GPR61: variants seen among roughly 807,000 people sequenced by gnomAD.
GPR61 encodes G-protein coupled receptor 61.
GPR61 carries 15 observed loss-of-function variants against 29.2 expected under a neutral mutation model. The ratio of observed to expected loss-of-function variants is 0.51; its 90% CI spans 0.34 to 0.79. The LOEUF (loss-of-function observed/expected upper bound fraction) is 0.79, where lower values mean the gene tolerates loss of function less well. GPR61 is among the 30% of genes least tolerant of loss of function. GPR61 has a pLI of 0.01. For synonymous variants in GPR61, 238 were observed against 242.3 expected (o/e 0.98, Z 0.17); for missense variants, 399 against 582.5 (o/e 0.69, Z 3.24).
Position 109,544,259 on chromosome 1 carries a change from C to G in GPR61, c.1237C>G (p.Arg413Gly), listed in dbSNP as rs763591501. The G allele has an allele frequency of 1.2e-6, 2 of 1,613,892 alleles. No homozygotes were observed. Among genetic ancestry groups the G allele is most frequent in the African/African-American group, 2.7e-5 (2 of 74,930 alleles). Residue 413 changes from arginine to glycine, a missense_variant, in exon 2 of 2, where the codon CGA becomes GGA. Physicochemically the swap from Arg to Gly is moderately radical, Grantham distance 125. This residue lies in a region of GPR61 where 320 missense variants were observed against 459.8 expected (regional missense o/e 0.70). Coordinates refer to ENST00000527748, the MANE Select transcript of GPR61 (RefSeq NM_001393907.1). This position sits in a 1 kb window ranked among gnomAD's most constrained non-coding sequence, Gnocchi z 4.6. Reference sequence around the variant, plus strand: ...GCAGGAGCCACCTGCTGTTGACTTTCGAATCCCAGGCCAGATAGCTGAGGA... The same window carrying G: ...GCAGGAGCCACCTGCTGTTGACTTTGGAATCCCAGGCCAGATAGCTGAGGA... Reference protein sequence around the residue: ...PKQEPPAVDFRIPGQIAEETS... With the variant: ...PKQEPPAVDFGIPGQIAEETS...
Position 109,543,807 on chromosome 1 carries a change from G to A in GPR61, c.785G>A (p.Arg262His), listed in dbSNP as rs750737044. The change falls in exon 2 of 2, where the codon CGC (arginine) becomes CAC (histidine). Residue 262 changes from arginine (R) to histidine (H), a missense_variant. By Grantham distance (29) the Arg-to-His change is conservative. This residue lies in a region of GPR61 where 320 missense variants were observed against 459.8 expected (regional missense o/e 0.70). Coordinates refer to ENST00000527748, the MANE Select transcript of GPR61 (RefSeq NM_001393907.1). This position sits in a 1 kb window ranked among gnomAD's most constrained non-coding sequence, Gnocchi z 6.8. ...CAACGCTCCGAATCTCTCAGCAGCC[G>A]CTCCACGATGGTCACCAGCTCGGGG... is the stretch of plus-strand genomic sequence containing the variant. ...PRQRSESLSSRSTMVTSSGAP... is the reference protein window; with the variant it reads ...PRQRSESLSSHSTMVTSSGAP... 4.8e-5 allele frequency: 77 copies of A among 1,613,422 alleles called. No homozygotes were observed. The highest frequency in any genetic ancestry group is 5.2e-5 in the Non-Finnish European group (61 of 1,180,020).
chr1:109,544,187 G>A lies in GPR61; in HGVS notation c.1165G>A (p.Gly389Ser). The change falls in exon 2 of 2, where the codon GGC (glycine) becomes AGC (serine). Residue 389 changes from glycine to serine, a missense_variant. Gly to Ser is a moderately conservative substitution (Grantham distance 56). This residue lies in a region of GPR61 where 320 missense variants were observed against 459.8 expected (regional missense o/e 0.70). Transcript: ENST00000527748. The surrounding 1 kb of genome is among the most constrained non-coding windows in gnomAD (Gnocchi z 4.6). ...CTTCCTGCAGTTCCTTCAGGGGACT[G>A]GCTGTCCTTCTGAGTCCTGGGTTTC... ...ENFLQFLQGT[G>S]CPSESWVSRP... 6.2e-7 allele frequency: 1 copy of A among 1,614,090 alleles called. No individual in the cohort carries two copies. Among genetic ancestry groups the A allele is most frequent in the East Asian group, 2.2e-5 (1 of 44,872 alleles).
intron 1 of GPR61, 129 bp from the exon 2 acceptor site, chr1:109,542,293 G>A (rs1647663744): frequency 4.9e-6 from 1 of 204,836 alleles, no homozygotes; most frequent in African/African-American, 2.3e-5. Flanking sequence ...GTAGAGTGCT[G>A]AGAACAGGGT....
At position 109,543,978 on chromosome 1, in the gene GPR61, C is replaced by A. The variant is rs551951123; in HGVS notation, c.956C>A (p.Thr319Asn). ...GCCCTGAGTGCTCAGCCCATTTCAACTGGGCAGGTGGAGAGTGTGGTCACC... is the reference window on the plus strand; with the variant it reads ...GCCCTGAGTGCTCAGCCCATTTCAAATGGGCAGGTGGAGAGTGTGGTCACC... ...YVALSAQPISTGQVESVVTWI... is the reference protein window; with the variant it reads ...YVALSAQPISNGQVESVVTWI... The change falls in exon 2 of 2, where the codon ACT becomes AAT. Residue 319 changes from threonine (T) to asparagine (N), a missense_variant. Physicochemically the swap from Thr to Asn is moderately conservative, Grantham distance 65. Around this residue, in one of 3 missense-constraint regions of GPR61, gnomAD observed 320 missense variants for 459.8 expected, o/e 0.70. Coordinates refer to ENST00000527748, the MANE Select transcript of GPR61 (RefSeq NM_001393907.1). The surrounding 1 kb of genome is among the most constrained non-coding windows in gnomAD (Gnocchi z 6.8). 1.9e-6 allele frequency: 3 copies of A among 1,614,242 alleles called. No individual in the cohort carries two copies. The South Asian group carries it at 3.3e-5, about 18-fold the overall frequency.
rs1276181322 is a variant in GPR61 at position 109,542,611 on chromosome 1, C to T, written c.-412C>T. 2.2e-6 allele frequency: 1 copy of T among 447,708 alleles called. No individual in the cohort carries two copies. The highest frequency in any genetic ancestry group is 4.6e-6 in the Non-Finnish European group (1 of 219,114). The allele number at this position is 447,708 out of a possible 1,614,324, so 27.7% of individuals were successfully genotyped here. ...CACTATCCCAGAGATCAGCAGGACC[C>T]TGGGAAGGAGAAACAGGATTTAGAA... On this transcript the variant is annotated 5_prime_UTR_variant, in exon 2 of 2. Transcript: ENST00000527748.
chr1:109,540,049 C>G (rs961683980), intron 1 of GPR61, 96 bp downstream of exon 1: 2 of 152,322 alleles, frequency 1.3e-5, no homozygotes, highest in African/African-American at 4.8e-5. Context: ...TTCCAAGGAC[C>G]AGCCCTGCCT....
chr1:109,541,887 T>G (rs960834892), intron 1 of GPR61, among the ~76,000 whole-genome samples: 21 of 152,248 alleles, frequency 1.4e-4, no homozygotes, highest in African/African-American at 5.1e-4. Flanking sequence ...TTGTTTTCAC[T>G]GCTCCTACTC....
At position 109,543,536 on chromosome 1, in the gene GPR61, G is replaced by A. The variant is rs1438594295; in HGVS notation, c.514G>A (p.Ala172Thr). The change falls in exon 2 of 2, where the codon GCC becomes ACC. Residue 172 changes from alanine (A) to threonine (T), a missense_variant. By Grantham distance (58) the Ala-to-Thr change is moderately conservative. Coordinates refer to ENST00000527748, the MANE Select transcript of GPR61 (RefSeq NM_001393907.1). The surrounding 1 kb of genome is among the most constrained non-coding windows in gnomAD (Gnocchi z 6.8). ...GGTGGGTGTGTGGGTGAAGGCCTTG[G>A]CCATGGCTTCTGTGCCAGTGTTGGG... The part of the protein sequence containing the change: ...VLVGVWVKAL[A>T]MASVPVLGRV... 2 of 1,614,108 alleles carry A rather than the reference G, an allele frequency of 1.2e-6. No homozygotes were observed. The highest frequency in any genetic ancestry group is 4.5e-5 in the East Asian group (2 of 44,874).
rs868587224 is a variant in GPR61, at chr1:109,543,777, C to A, written c.755C>A (p.Pro252His). The change falls in exon 2 of 2, where the codon CCC (proline) becomes CAC (histidine). Residue 252 changes from proline (P) to histidine (H), a missense_variant. Transcript: ENST00000527748. This position sits in a 1 kb window ranked among gnomAD's most constrained non-coding sequence, Gnocchi z 6.8. Reference protein sequence around the residue: ...HGPLPTWMETPRQRSESLSSR... With the variant: ...HGPLPTWMETHRQRSESLSSR... ...CCGCTGCCCACGTGGATGGAGACAC[C>A]CCGGCAACGCTCCGAATCTCTCAGC... 6.2e-7 allele frequency: 1 copy of A among 1,613,402 alleles called. No homozygotes were observed. Among genetic ancestry groups the A allele is most frequent in the South Asian group, 1.1e-5 (1 of 91,086 alleles).
Position 109,544,066 on chromosome 1 carries a change from C to G in GPR61, c.1044C>G (p.Ile348Met). 1 of 1,614,198 alleles carries G rather than the reference C, an allele frequency of 6.2e-7. No homozygotes were observed. Among genetic ancestry groups the G allele is most frequent in the Non-Finnish European group, 8.5e-7 (1 of 1,180,040 alleles). ...TCTATGGATGTCTCAACCGGCAGAT[C>G]CGGGGGGAGCTCAGCAAGCAGTTTG... ...PFFYGCLNRQ[I>M]RGELSKQFVC... The change falls in exon 2 of 2, where the codon ATC (isoleucine) becomes ATG (methionine). Residue 348 changes from isoleucine (I) to methionine (M), a missense_variant. Ile to Met is a conservative substitution (Grantham distance 10). Around this residue, in one of 3 missense-constraint regions of GPR61, gnomAD observed 320 missense variants for 459.8 expected, o/e 0.70. Transcript: ENST00000527748. This position sits in a 1 kb window ranked among gnomAD's most constrained non-coding sequence, Gnocchi z 4.6.
chr1:109,546,697 G>A lies in GPR61; in HGVS notation c.*2319G>A, dbSNP rs1283327027. On this transcript the variant is annotated 3_prime_UTR_variant, in exon 2 of 2. Coordinates refer to ENST00000527748, the MANE Select transcript of GPR61 (RefSeq NM_001393907.1). ...GTTTATTACAGAGTTTGACATACATGGGTTCATTTGCCATTTATTTTTCCC... is the reference window on the plus strand; with the variant it reads ...GTTTATTACAGAGTTTGACATACATAGGTTCATTTGCCATTTATTTTTCCC... 6.6e-6 allele frequency: 1 copy of A among 152,126 alleles called. No homozygotes were observed. The highest frequency in any genetic ancestry group is 1.5e-5 in the Non-Finnish European group (1 of 68,028). 9.4% of individuals were successfully genotyped at this position (152,126 alleles called of 1,614,324 possible). A position where few individuals can be genotyped will look rare whatever the true frequency, so the allele number is the denominator to read the frequency against.
intron 1 of GPR61, among the ~76,000 whole-genome samples, chr1:109,540,836 G>C (rs1203624137): frequency 6.6e-6 from 1 of 152,200 alleles, no homozygotes; most frequent in East Asian, 1.9e-4. Flanking sequence ...GCAAGCTTGA[G>C]GGAGCTATGA....
intron 1 of GPR61, among the ~76,000 whole-genome samples, chr1:109,541,849 C>T (rs1413191770): frequency 6.6e-6 from 1 of 152,200 alleles, no homozygotes; most frequent in Admixed American, 6.5e-5. Context: ...ATGAGCTGGC[C>T]TCCCAGTTTC....
chr1:109,543,502 C>T lies in GPR61; in HGVS notation c.480C>T (p.Ala160=). The change falls in exon 2 of 2, where the codon GCC becomes GCT. Residue 160 remains alanine (A), a synonymous_variant. Coordinates refer to ENST00000527748, the MANE Select transcript of GPR61 (RefSeq NM_001393907.1). The surrounding 1 kb of genome is among the most constrained non-coding windows in gnomAD (Gnocchi z 6.8). The part of the protein sequence containing the change: ...YEVRMTLGLV[A]SVLVGVWVKA... ...TGCGCATGACGCTGGGGCTGGTGGC[C>T]TCTGTGCTGGTGGGTGTGTGGGTGA... The T allele has an allele frequency of 1.9e-6, 3 of 1,614,060 alleles. No homozygotes were observed. Among genetic ancestry groups the T allele is most frequent in the African/African-American group, 1.3e-5 (1 of 75,050 alleles).
At position 109,544,327 on chromosome 1, in the gene GPR61, C is replaced by G; in HGVS notation, c.1305C>G (p.Ile435Met). 1 of 1,613,678 alleles carries G rather than the reference C, an allele frequency of 6.2e-7. No individual in the cohort carries two copies. Among genetic ancestry groups the G allele is most frequent in the Non-Finnish European group, 8.5e-7 (1 of 1,179,984 alleles). The change falls in exon 2 of 2, where the codon ATC (isoleucine) becomes ATG (methionine). Residue 435 changes from isoleucine to methionine, a missense_variant. Transcript: ENST00000527748. The surrounding 1 kb of genome is among the most constrained non-coding windows in gnomAD (Gnocchi z 4.6). The stretch of plus-strand genomic sequence containing the variant: ...AGCAGCAACTCACCAGCGACATCAT[C>G]ATGTCAGACAGCTACCTCCGTCCTG... ...FLEQQLTSDI[I>M]MSDSYLRPAA... is the part of the protein sequence containing the mutation.
At chr1:109,540,856 A>G (rs1217065224) in intron 1 of GPR61, among the ~76,000 whole-genome samples, 2 of 152,164 alleles carry the variant, frequency 1.3e-5, no homozygotes. Context: ...AAAAAGAGCA[A>G]TGTCCAATGC....
Position 109,546,358 on chromosome 1 carries a change from T to C in GPR61, c.*1980T>C, listed in dbSNP as rs1303049469. ...TCTCCTCCCTATTAAAATAAATGCA[T>C]ACAGAGGAATCAATCATTCCTAGAC... On this transcript the variant is annotated 3_prime_UTR_variant, in exon 2 of 2. Transcript: ENST00000527748. 6.6e-6 allele frequency: 1 copy of C among 152,142 alleles called. No homozygotes were observed. The highest frequency in any genetic ancestry group is 1.9e-4 in the East Asian group (1 of 5,194). 9.4% of individuals were successfully genotyped at this position (152,142 alleles called of 1,614,324 possible). A position where few individuals can be genotyped will look rare whatever the true frequency, so the allele number is the denominator to read the frequency against.
intron 1 of GPR61, among the ~76,000 whole-genome samples, chr1:109,541,964 C>T (rs1380528802): frequency 1.3e-5 from 2 of 152,182 alleles, no homozygotes; most frequent in African/African-American, 4.8e-5. Flanking sequence ...AAGCACAGCT[C>T]CCCTTTTCAG....
Position 109,543,470 on chromosome 1 carries a change from T to C in GPR61, c.448T>C (p.Tyr150His). The change falls in exon 2 of 2, where the codon TAC (tyrosine) becomes CAC (histidine). Residue 150 changes from tyrosine to histidine, a missense_variant. Physicochemically the swap from Tyr to His is moderately conservative, Grantham distance 83. This residue lies in a region of GPR61 where 320 missense variants were observed against 459.8 expected (regional missense o/e 0.70). Coordinates refer to ENST00000527748, the MANE Select transcript of GPR61 (RefSeq NM_001393907.1). The surrounding 1 kb of genome is among the most constrained non-coding windows in gnomAD (Gnocchi z 6.8). ...CTATTACGTAGTCCACCCCATGCGC[T>C]ACGAGGTGCGCATGACGCTGGGGCT... ...RYYYVVHPMRYEVRMTLGLVA... is the reference protein window; with the variant it reads ...RYYYVVHPMRHEVRMTLGLVA... 1 of 1,613,840 alleles carries C rather than the reference T, an allele frequency of 6.2e-7. No homozygotes were observed. The highest frequency in any genetic ancestry group is 8.5e-7 in the Non-Finnish European group (1 of 1,179,978).
Sources: allele counts gnomAD v4.1 joint callset (sites outside exome capture counted in the v4.1 genomes callset), GRCh38; gene constraint gnomAD v4.1.1; regional missense constraint gnomAD v4.1.1; non-coding constraint Gnocchi (gnomAD v3.1); transcripts MANE v1.5; gene names NCBI Gene and HGNC (gene_info 2026-07-23, HGNC 2026-07-21).